The following DNAI4 variants were observed in gnomAD, a reference collection of about 807,000 sequenced individuals.
The protein encoded by DNAI4 is dynein axonemal intermediate chain 4.
DNAI4 carries 85 observed loss-of-function variants against 105.8 expected under a neutral mutation model. That is an observed-to-expected ratio of 0.80 (90% CI 0.67 to 0.96). The LOEUF is 0.96. Among genes scored for constraint, DNAI4 ranks in the 40% least tolerant of loss-of-function variants. DNAI4 has a pLI of 0.00. For synonymous variants in DNAI4, 352 were observed against 331.5 expected (o/e 1.06, Z -0.67); for missense variants, 1,014 against 1,005.6 (o/e 1.01, Z -0.11).
intron 1 of DNAI4, among the ~76,000 whole-genome samples, chr1:66,915,396 T>G (rs533880139): frequency 6.6e-6 from 1 of 152,334 alleles, no homozygotes; most frequent in African/African-American, 2.4e-5. Context: ...GTCAGTTAGG[T>G]CATATCTTTT....
intron 4 of DNAI4, among the ~76,000 whole-genome samples, chr1:66,876,739 T>A (rs1246518523): frequency 6.6e-6 from 1 of 152,158 alleles, no homozygotes; most frequent in Non-Finnish European, 1.5e-5. Flanking sequence ...TGAGTACACC[T>A]CTCTCTCCAC....
At chr1:66,820,805 A>AT (rs11386011) in intron 16 of DNAI4, among the ~76,000 whole-genome samples, 149,441 of 151,942 alleles carry the variant, frequency 0.98, 73,546 homozygotes, top group Middle Eastern at 1. Context: ...TAAGCATTTT[A>AT]TTATTTTATT....
rs564875396 is a variant in DNAI4 at position 66,924,190 on chromosome 1, A to G, written c.170+472T>C. On this transcript the variant is annotated intron_variant, in intron 1 of 16. Coordinates refer to ENST00000371026, the MANE Select transcript of DNAI4 (RefSeq NM_024763.5). The stretch of plus-strand genomic sequence containing the variant: ...AGAGATTTATTTTATCTTATTTTTT[A>G]GACAGAGTCTCGCTCTGTTGCTCAG... Among the ~76,000 whole-genome samples the G allele has an allele frequency of 2.0e-5, 3 of 152,330 alleles. No homozygotes were observed. The East Asian group carries it at 5.8e-4, about 29-fold the overall frequency.
intron 5 of DNAI4, 93 bp downstream of exon 5, chr1:66,874,688 A>C: frequency 7.4e-7 from 1 of 1,346,308 alleles, no homozygotes; most frequent in Non-Finnish European, 1.0e-6. Context: ...TATACCCCAG[A>C]ACCCCCAAGG....
At position 66,814,130 on chromosome 1, in the gene DNAI4, T is replaced by A; in HGVS notation, c.2547A>T (p.Ter849TyrextTer30). The A allele has an allele frequency of 6.3e-7, 1 of 1,588,202 alleles. No homozygotes were observed. ...LLGSKSNQSA[*>Y] ...CAAGAAAAATATTAGGAATGATGAA[T>A]TATGCTGATTGGTTTGACTTGGATC... The change falls in exon 17 of 17, where the codon TAA becomes TAT. Residue 849 changes from the stop codon to tyrosine (Y), a stop_lost. Transcript: ENST00000371026.
rs554133515 is a variant in DNAI4 at position 66,840,393 on chromosome 1, C to T, written c.1494+76G>A. The T allele has an allele frequency of 1.4e-5, 19 of 1,398,068 alleles. No homozygotes were observed. The East Asian group carries it at 3.5e-4, about 26-fold the overall frequency. The allele number at this position is 1,398,068 out of a possible 1,614,324, so 86.6% of individuals were successfully genotyped here. A position where few individuals can be genotyped will look rare whatever the true frequency, so the allele number is the denominator to read the frequency against. On this transcript the variant is annotated intron_variant, in intron 9 of 16. Coordinates refer to ENST00000371026, the MANE Select transcript of DNAI4 (RefSeq NM_024763.5). The stretch of plus-strand genomic sequence containing the variant: ...TTCCTTGTGCCATATCTAAGGAAAA[C>T]AATTCTTCATTATTCGAACTTGATA...
At chr1:66,874,038 A>T (rs1646910062) in intron 5 of DNAI4, among the ~76,000 whole-genome samples, 1 of 151,904 alleles carries the variant, frequency 6.6e-6, no homozygotes. Context: ...TTAGTACTAT[A>T]AATCCTATTC....
chr1:66,852,266 A>C (rs1002281491), intron 7 of DNAI4, among the ~76,000 whole-genome samples: 1 of 151,958 alleles, frequency 6.6e-6, no homozygotes, highest in Non-Finnish European at 1.5e-5. Context: ...AAAATCACCA[A>C]GCATGGATGG....
At chr1:66,847,721 G>T in intron 7 of DNAI4, 43 bp from the exon 8 acceptor site, 2 of 1,389,104 alleles carry the variant, frequency 1.4e-6, no homozygotes, top group Non-Finnish European at 2.0e-6. Flanking sequence ...TATTCAAATG[G>T]ATGGTTCATA....
At position 66,835,667 on chromosome 1, in the gene DNAI4, G is replaced by C; in HGVS notation, c.1692C>G (p.Tyr564Ter). Reference sequence around the variant, plus strand: ...GAACATTACTGTTGCTCCGTACATTGTAAATTGCAATTGTGCCATTGTGAT... The same window carrying C: ...GAACATTACTGTTGCTCCGTACATTCTAAATTGCAATTGTGCCATTGTGAT... ...VGYHNGTIAI[Y>*]NVRSNSNVPV... Residue 564 changes from tyrosine to a stop codon, truncating the protein, a stop_gained, in exon 11 of 17, where the codon TAC becomes TAG. Transcript: ENST00000371026. LOFTEE classifies it high-confidence loss of function. 6.2e-7 allele frequency: 1 copy of C among 1,614,114 alleles called. No homozygotes were observed. Among genetic ancestry groups the C allele is most frequent in the East Asian group, 2.2e-5 (1 of 44,870 alleles).
Position 66,897,160 on chromosome 1 carries a change from C to T in DNAI4, c.346-3747G>A, listed in dbSNP as rs544187334. ...TCAGACAGAAATTCTTATTAGAAAC[C>T]GGAATAAAGGCTGTCTTTGTTATAA... is the stretch of plus-strand genomic sequence containing the variant. On this transcript the variant is annotated intron_variant, in intron 2 of 16. Transcript: ENST00000371026. Among the ~76,000 whole-genome samples the T allele has an allele frequency of 1.4e-4, 21 of 152,180 alleles. No individual in the cohort carries two copies. The South Asian group carries it at 2.9e-3, about 21-fold the overall frequency.
intron 1 of DNAI4, among the ~76,000 whole-genome samples, chr1:66,910,329 A>T (rs145351381): frequency 8.5e-5 from 13 of 152,356 alleles, no homozygotes; most frequent in African/African-American, 3.1e-4. Flanking sequence ...CCTTACTATG[A>T]CTTAAAAAAT....
At chr1:66,840,710 A>T (rs371171650) in intron 8 of DNAI4, 39 bp from the exon 9 acceptor site, 43 of 1,605,288 alleles carry the variant, frequency 2.7e-5, no homozygotes, top group Non-Finnish European at 3.3e-5. Context: ...TGTCCTCTAC[A>T]TCTATAGGGA....
At chr1:66,884,532 G>C (rs1481061954) in intron 4 of DNAI4, among the ~76,000 whole-genome samples, 1 of 152,008 alleles carries the variant, frequency 6.6e-6, no homozygotes, top group East Asian at 1.9e-4. Context: ...TTATTAATTT[G>C]CATATGTTGA....
intron 6 of DNAI4, among the ~76,000 whole-genome samples, chr1:66,869,302 C>T (rs1646793880): frequency 6.6e-6 from 1 of 151,652 alleles, no homozygotes; most frequent in Non-Finnish European, 1.5e-5. Flanking sequence ...ATGTATAATT[C>T]TATTACTTCT....
intron 2 of DNAI4, chr1:66,904,768 T>C (rs1014989608): frequency 2.5e-5 from 4 of 157,116 alleles, no homozygotes; most frequent in African/African-American, 9.6e-5. Flanking sequence ...AAATTATATA[T>C]TATATGCTTT....
At chr1:66,814,645 T>G (rs375664679) in intron 16 of DNAI4, among the ~76,000 whole-genome samples, 37 of 152,264 alleles carry the variant, frequency 2.4e-4, no homozygotes, top group South Asian at 4.1e-4. Context: ...TGGGATTACA[T>G]GCGTGAGCCA....
intron 7 of DNAI4, among the ~76,000 whole-genome samples, chr1:66,855,754 G>A (rs1646487134): frequency 6.6e-6 from 1 of 152,214 alleles, no homozygotes; most frequent in African/African-American, 2.4e-5. Flanking sequence ...CATTATTACA[G>A]ATGGAGACTT....
intron 7 of DNAI4, among the ~76,000 whole-genome samples, chr1:66,851,997 G>A (rs528565956): frequency 6.6e-6 from 1 of 151,876 alleles, no homozygotes; most frequent in Admixed American, 6.6e-5. Flanking sequence ...TAACAAAATT[G>A]ACAATCTTCC....
Sources: gnomAD v4.1 joint callset for allele counts (sites outside exome capture counted in the v4.1 genomes callset) on GRCh38, gnomAD v4.1.1 for gene constraint, MANE v1.5 for transcripts, NCBI Gene and HGNC (gene_info 2026-07-23, HGNC 2026-07-21) for gene names.